Variants in CDH13 observed in about 807,000 individuals in gnomAD.
CDH13 encodes cadherin 13, also known as cadherin-13.
CDH13 carries 24 observed loss-of-function variants against 63.8 expected under a neutral mutation model. The ratio of observed to expected loss-of-function variants is 0.38; its 90% CI spans 0.27 to 0.53. CDH13 has a LOEUF of 0.53. Ranked by LOEUF, CDH13 falls within the 20% of genes least tolerant of loss-of-function variation. The pLI is 0.85. For missense variants in CDH13, 1,049 were observed against 903.1 expected, an observed-to-expected ratio of 1.16 and a Z score of -2.07; for synonymous variants, 503 against 355.3, an observed-to-expected ratio of 1.42 and a Z score of -4.67.
chr16:82,651,127 T>C (rs927959090), intron 1 of CDH13, among the ~76,000 whole-genome samples: 2 of 152,202 alleles, frequency 1.3e-5, no homozygotes, highest in African/African-American at 4.8e-5. Flanking sequence ...ATTTATCTAA[T>C]TTTAGTGGGT....
intron 7 of CDH13, among the ~76,000 whole-genome samples, chr16:83,538,094 C>T (rs2075228917): frequency 6.6e-6 from 1 of 152,150 alleles, no homozygotes; most frequent in Non-Finnish European, 1.5e-5. Flanking sequence ...TTGCCAGACA[C>T]TTGAAGCAAT....
At chr16:82,628,560 C>G (rs77998939) in intron 1 of CDH13, among the ~76,000 whole-genome samples, 14 of 152,114 alleles carry the variant, frequency 9.2e-5, no homozygotes, top group Non-Finnish European at 2.1e-4. Flanking sequence ...GGCTGCTGAG[C>G]CCGCTCCCAA....
chr16:83,419,556 C>T (rs991580245), intron 6 of CDH13, among the ~76,000 whole-genome samples: 2 of 152,148 alleles, frequency 1.3e-5, no homozygotes, highest in Admixed American at 6.5e-5. Flanking sequence ...CCATGCTCTA[C>T]CAGTAGTAAT....
intron 7 of CDH13, among the ~76,000 whole-genome samples, chr16:83,540,972 T>A (rs1365520940): frequency 6.6e-6 from 1 of 152,140 alleles, no homozygotes; most frequent in Admixed American, 6.5e-5. Context: ...GCCAGTTTGT[T>A]TGGTAAATGT....
intron 1 of CDH13, among the ~76,000 whole-genome samples, chr16:82,712,863 C>G (rs1250854729): frequency 6.6e-6 from 1 of 152,110 alleles, no homozygotes; most frequent in African/African-American, 2.4e-5. Flanking sequence ...TATTAACTCT[C>G]CGCTCTCTGG....
intron 3 of CDH13, among the ~76,000 whole-genome samples, chr16:83,083,726 T>G (rs957280762): frequency 1.4e-4 from 22 of 152,208 alleles, no homozygotes; most frequent in African/African-American, 4.6e-4. Context: ...TGGATGAAAT[T>G]TCCACTCCCT....
chr16:82,862,588 A>G lies in CDH13; in HGVS notation c.157+4115A>G, dbSNP rs924520083. 7.9e-5 allele frequency among the ~76,000 whole-genome samples: 12 copies of G among 151,960 alleles called. No individual in the cohort carries two copies. In the East Asian group the frequency reaches 1.2e-3, roughly 15 times the overall value. The stretch of plus-strand genomic sequence containing the variant: ...TTTTTCTTACCCTTGTTCATTCTTT[A>G]TGGGTCATTCCTCTTAGGCCACCCA... On this transcript the variant is annotated intron_variant, in intron 2 of 13. Transcript: ENST00000567109.
At chr16:83,022,422 G>C (rs564259962) in intron 2 of CDH13, among the ~76,000 whole-genome samples, 1 of 152,332 alleles carries the variant, frequency 6.6e-6, no homozygotes, top group African/African-American at 2.4e-5. Context: ...AGCTAGTATA[G>C]GTACTTCTGA....
intron 2 of CDH13, among the ~76,000 whole-genome samples, chr16:82,943,876 T>C (rs546308230): frequency 3.9e-4 from 60 of 152,326 alleles, no homozygotes; most frequent in African/African-American, 1.4e-3. Flanking sequence ...TTGAGGTAAC[T>C]TCACATTTTC....
chr16:83,541,380 A>C (rs895771673), intron 7 of CDH13, among the ~76,000 whole-genome samples: 1 of 152,138 alleles, frequency 6.6e-6, no homozygotes, highest in African/African-American at 2.4e-5. Context: ...AGTCCCTCAC[A>C]TTCCCACCAG....
chr16:83,663,069 G>A (rs1413790663), intron 8 of CDH13, among the ~76,000 whole-genome samples: 3 of 152,096 alleles, frequency 2.0e-5, no homozygotes, highest in Non-Finnish European at 2.9e-5. Flanking sequence ...ACAAAAAATG[G>A]CCACCCCTTG....
intron 2 of CDH13, among the ~76,000 whole-genome samples, chr16:82,967,930 A>G (rs977113489): frequency 1.3e-5 from 2 of 151,998 alleles, no homozygotes; most frequent in Admixed American, 6.6e-5. Context: ...TTCTTTTCAT[A>G]TTTTCACCCA....
rs766780916 is a variant in CDH13, at chr16:82,884,154, C to T, written c.157+25681C>T. 6.6e-6 allele frequency: 3 copies of T among 454,848 alleles called. No homozygotes were observed. In the Admixed American group the frequency reaches 7.1e-5, roughly 11 times the overall value. 28.2% of individuals were successfully genotyped at this position (454,848 alleles called of 1,614,324 possible). A position where few individuals can be genotyped will look rare whatever the true frequency, so the allele number is the denominator to read the frequency against. On this transcript the variant is annotated intron_variant, in intron 2 of 13. Transcript: ENST00000567109. ...ATGTCTGCATGCACGCTGTTTCTTTCCTTATGCTGTTTCTTTCCAACATAA... is the reference window on the plus strand; with the variant it reads ...ATGTCTGCATGCACGCTGTTTCTTTTCTTATGCTGTTTCTTTCCAACATAA...
At chr16:82,905,222 C>G (rs1224744450) in intron 2 of CDH13, among the ~76,000 whole-genome samples, 1 of 152,182 alleles carries the variant, frequency 6.6e-6, no homozygotes, top group Non-Finnish European at 1.5e-5. Flanking sequence ...TGGATCATCT[C>G]TCTCTAGATG....
intron 6 of CDH13, among the ~76,000 whole-genome samples, chr16:83,409,331 C>A (rs2092093684): frequency 6.6e-6 from 1 of 152,206 alleles, no homozygotes; most frequent in African/African-American, 2.4e-5. Flanking sequence ...CACTCCTGGG[C>A]TACCATGTGC....
intron 6 of CDH13, among the ~76,000 whole-genome samples, chr16:83,466,317 C>T (rs555727743): frequency 6.6e-6 from 1 of 152,298 alleles, no homozygotes; most frequent in East Asian, 1.9e-4. Flanking sequence ...GCAAAGGAGG[C>T]ATGGGGTTTT....
intron 3 of CDH13, among the ~76,000 whole-genome samples, chr16:83,071,990 C>G (rs1404351476): frequency 6.6e-6 from 1 of 151,968 alleles, no homozygotes; most frequent in African/African-American, 2.4e-5. Flanking sequence ...ATATGCAATT[C>G]TAAATTTTCT....
chr16:82,829,261 C>G (rs1257919085), intron 1 of CDH13: 1 of 152,116 alleles, frequency 6.6e-6, no homozygotes, highest in Non-Finnish European at 1.5e-5. Context: ...TCCTTCTACC[C>G]CAGGGTTCTT....
intron 2 of CDH13, among the ~76,000 whole-genome samples, chr16:83,000,229 T>A (rs797017358): frequency 3.7e-4 from 28 of 76,276 alleles, no homozygotes; most frequent in African/African-American, 1.5e-3. Flanking sequence ...GCTTATTTTT[T>A]TTTTTTTTTT....
Sources: allele counts gnomAD v4.1 joint callset (sites outside exome capture counted in the v4.1 genomes callset), GRCh38; gene constraint gnomAD v4.1.1; transcripts MANE v1.5; gene names NCBI Gene and HGNC (gene_info 2026-07-23, HGNC 2026-07-21).